The following CERS6 variants were observed in gnomAD, a reference collection of about 807,000 sequenced individuals.
The protein encoded by CERS6 is LAG1 homolog, ceramide synthase 6.
CERS6 carries 26 observed loss-of-function variants against 56.8 expected under a neutral mutation model. That is an observed-to-expected ratio of 0.46 (90% CI 0.34 to 0.63). The LOEUF (loss-of-function observed/expected upper bound fraction) is 0.63. CERS6 is among the 30% of genes least tolerant of loss of function. The probability of loss-of-function intolerance (pLI) is 0.01; values close to 1 mark genes in which losing one functional copy is unlikely to be tolerated. For synonymous variants in CERS6, 164 were observed against 173.3 expected (o/e 0.95, Z 0.42); for missense variants, 415 against 467.5 (o/e 0.89, Z 1.04).
At chr2:168,625,145 A>T (rs991376092) in intron 3 of CERS6, among the ~76,000 whole-genome samples, 3 of 152,210 alleles carry the variant, frequency 2.0e-5, no homozygotes, top group African/African-American at 7.2e-5. Flanking sequence ...GATGATGGAA[A>T]AGCTGAAATG....
intron 3 of CERS6, among the ~76,000 whole-genome samples, chr2:168,610,253 A>G (rs1684154846): frequency 6.6e-6 from 1 of 152,122 alleles, no homozygotes; most frequent in African/African-American, 2.4e-5. Flanking sequence ...CTGGGATTAC[A>G]GGCGTGAGCC....
At chr2:168,562,088 A>T (rs936619537) in intron 3 of CERS6, among the ~76,000 whole-genome samples, 3 of 152,166 alleles carry the variant, frequency 2.0e-5, no homozygotes, top group Admixed American at 2.0e-4. Context: ...TATGTCTTCT[A>T]ACAGTCCCTC....
chr2:168,555,085 A>G (rs546327344), intron 2 of CERS6, among the ~76,000 whole-genome samples: 1 of 152,242 alleles, frequency 6.6e-6, no homozygotes, highest in South Asian at 2.1e-4. Flanking sequence ...GGGTACATTT[A>G]TAATCCTATA....
At chr2:168,602,670 A>G (rs1243851917) in intron 3 of CERS6, among the ~76,000 whole-genome samples, 1 of 152,260 alleles carries the variant, frequency 6.6e-6, no homozygotes, top group Non-Finnish European at 1.5e-5. Context: ...ACTTGAATTC[A>G]TTAACCTCAT....
chr2:168,705,718 G>A (rs569448491), intron 6 of CERS6, among the ~76,000 whole-genome samples: 1 of 152,214 alleles, frequency 6.6e-6, no homozygotes, highest in African/African-American at 2.4e-5. Flanking sequence ...TTTGAGTCCT[G>A]GGATGTTTCT....
intron 4 of CERS6, among the ~76,000 whole-genome samples, chr2:168,660,628 C>T (rs1158504678): frequency 1.1e-4 from 16 of 151,870 alleles, no homozygotes; most frequent in Admixed American, 1.0e-3. Flanking sequence ...AAAAAAAAAA[C>T]TTAAATAACA....
Position 168,512,674 on chromosome 2 carries a change from T to C in CERS6, c.171-34922T>C, listed in dbSNP as rs187177086. On this transcript the variant is annotated intron_variant, in intron 1 of 9. Transcript: ENST00000305747. ...TTCTACAGCTATTTTCTTTTCTTTT[T>C]TTTTTTTTTTAAAGACAGAGTCTCG... 1.6e-4 allele frequency among the ~76,000 whole-genome samples: 23 copies of C among 143,424 alleles called. 1 individual carries two copies. Among genetic ancestry groups the C allele is most frequent in the Admixed American group, 4.8e-4 (7 of 14,514 alleles). The allele number at this position is 143,424 out of a possible 152,430, so 94.1% of individuals were successfully genotyped here.
At chr2:168,527,976 C>G (rs929867842) in intron 1 of CERS6, among the ~76,000 whole-genome samples, 10 of 152,038 alleles carry the variant, frequency 6.6e-5, no homozygotes, top group Non-Finnish European at 1.3e-4. Flanking sequence ...CCACCTAGAC[C>G]TTCCAAAAAT....
chr2:168,582,932 A>G (rs1380369860), intron 3 of CERS6: 1 of 154,430 alleles, frequency 6.5e-6, no homozygotes, highest in African/African-American at 2.4e-5. Flanking sequence ...CATGAAAGCT[A>G]TAGATTAGCC....
At chr2:168,701,513 T>C (rs1686803185) in intron 6 of CERS6, among the ~76,000 whole-genome samples, 2 of 152,174 alleles carry the variant, frequency 1.3e-5, no homozygotes, top group African/African-American at 4.8e-5. Flanking sequence ...ACCAAACTAC[T>C]ACTAATAGTA....
chr2:168,696,364 C>A (rs1326627167), intron 6 of CERS6, among the ~76,000 whole-genome samples: 1 of 152,206 alleles, frequency 6.6e-6, no homozygotes, highest in Non-Finnish European at 1.5e-5. Context: ...ATGTCACTGA[C>A]AAACTTACAG....
chr2:168,572,065 A>G (rs865806604), intron 3 of CERS6, among the ~76,000 whole-genome samples: 2 of 152,332 alleles, frequency 1.3e-5, no homozygotes, highest in African/African-American at 4.8e-5. Flanking sequence ...AACACTTGGT[A>G]CACCATGACA....
In CERS6 at chr2:168,773,932, C is replaced by T. The variant is rs1684930380; in HGVS notation, c.*4270C>T. On this transcript the variant is annotated 3_prime_UTR_variant, in exon 10 of 10. Transcript: ENST00000305747. Reference sequence around the variant, plus strand: ...TGTCCACGAGGCTGTTGGAACCCCTCCAATAAATACTTAGAGGTAGTGTAT... The same window carrying T: ...TGTCCACGAGGCTGTTGGAACCCCTTCAATAAATACTTAGAGGTAGTGTAT... The T allele has an allele frequency of 6.6e-6, 1 of 152,164 alleles. No homozygotes were observed. The highest frequency in any genetic ancestry group is 2.4e-5 in the African/African-American group (1 of 41,440). 9.4% of individuals were successfully genotyped at this position (152,164 alleles called of 1,614,324 possible).
chr2:168,637,868 T>C (rs1228078324), intron 4 of CERS6, among the ~76,000 whole-genome samples: 1 of 152,114 alleles, frequency 6.6e-6, no homozygotes, highest in East Asian at 1.9e-4. Flanking sequence ...TTTTTTTCAA[T>C]ATATCTTTAA....
intron 1 of CERS6, among the ~76,000 whole-genome samples, chr2:168,509,888 C>CT (rs766614575): frequency 6.6e-6 from 1 of 151,842 alleles, no homozygotes; most frequent in Non-Finnish European, 1.5e-5. Flanking sequence ...CAGTCAGACT[C>CT]TGTCTCTACG....
intron 4 of CERS6, among the ~76,000 whole-genome samples, chr2:168,667,058 A>G (rs1685780307): frequency 6.6e-6 from 1 of 152,158 alleles, no homozygotes; most frequent in South Asian, 2.1e-4. Flanking sequence ...AAGTTTTCAC[A>G]TATGACATGG....
intron 4 of CERS6, among the ~76,000 whole-genome samples, chr2:168,682,368 A>G (rs999521295): frequency 1.3e-5 from 2 of 152,190 alleles, no homozygotes; most frequent in African/African-American, 4.8e-5. Flanking sequence ...CCACTAAGCA[A>G]TTTTGGGTAA....
At chr2:168,648,719 T>G (rs543368395) in intron 4 of CERS6, among the ~76,000 whole-genome samples, 1 of 152,318 alleles carries the variant, frequency 6.6e-6, no homozygotes, top group South Asian at 2.1e-4. Context: ...TCTGGTATGT[T>G]TTATCTTTGT....
intron 8 of CERS6, among the ~76,000 whole-genome samples, chr2:168,764,339 G>T (rs1325050459): frequency 1.3e-5 from 2 of 151,932 alleles, no homozygotes; most frequent in Non-Finnish European, 2.9e-5. Context: ...AGACGGCGTT[G>T]CACCATGTTA....
Sources: allele counts gnomAD v4.1 joint callset (sites outside exome capture counted in the v4.1 genomes callset), GRCh38; gene constraint gnomAD v4.1.1; transcripts MANE v1.5; gene names NCBI Gene and HGNC (gene_info 2026-07-23, HGNC 2026-07-21).